DNAJC8: variants seen among roughly 807,000 people sequenced by gnomAD.
The protein encoded by DNAJC8 is DnaJ heat shock protein family (Hsp40) member C8.
DNAJC8 carries 24 observed loss-of-function variants against 43.2 expected under a neutral mutation model. The observed-to-expected ratio is 0.56, with a 90% CI of 0.40 to 0.78. DNAJC8 has a LOEUF of 0.78. Among genes scored for constraint, DNAJC8 ranks in the 30% least tolerant of loss-of-function variants. The probability of loss-of-function intolerance (pLI) is 0.00; values close to 1 mark genes in which losing one functional copy is unlikely to be tolerated. For synonymous variants in DNAJC8, 83 were observed against 98.0 expected, an observed-to-expected ratio of 0.85 and a Z score of 0.90; for missense variants, 207 against 299.4, an observed-to-expected ratio of 0.69 and a Z score of 2.28.
Position 28,228,590 on chromosome 1 carries a change from T to C in DNAJC8, c.180+332A>G, listed in dbSNP as rs67135856. Among the ~76,000 whole-genome samples, 1,191 of 152,200 alleles carry C rather than the reference T, an allele frequency of 7.8e-3. 9 individuals are homozygous for C. Among genetic ancestry groups the C allele is most frequent in the African/African-American group, 0.017 (710 of 41,538 alleles). ...ATGCAAAATCCAAAATGCTCCAAAA[T>C]CTGAAACTTTCTGAGAGTCAACTGA... On this transcript the variant is annotated intron_variant, in intron 2 of 8. Coordinates refer to ENST00000263697, the MANE Select transcript of DNAJC8 (RefSeq NM_014280.3).
intron 2 of DNAJC8, among the ~76,000 whole-genome samples, chr1:28,215,876 T>C (rs1646850097): frequency 6.6e-6 from 1 of 151,386 alleles, no homozygotes; most frequent in Admixed American, 6.6e-5. Flanking sequence ...TTTTTTTTTT[T>C]CGAGACAGTG....
chr1:28,205,917 T>C (rs1204357327), intron 6 of DNAJC8, among the ~76,000 whole-genome samples: 2 of 151,902 alleles, frequency 1.3e-5, no homozygotes, highest in African/African-American at 2.4e-5. Context: ...GGCATGGTGG[T>C]GCACACCTGT....
At position 28,208,381 on chromosome 1, in the gene DNAJC8, T is replaced by C. The variant is rs113158984; in HGVS notation, c.432A>G (p.Glu144=). ...VKERKKQLKK[E]GKPTIVEEDD... is the part of the protein sequence containing the mutation. ...CCTCCTCTACAATTGTAGGTTTTCC[T>C]TCCTTCTTTAATTGTTTTTTTCGCT... The change falls in exon 6 of 9, where the codon GAA becomes GAG. Residue 144 remains glutamate, a synonymous_variant. Transcript: ENST00000263697. The C allele has an allele frequency of 6.2e-7, 1 of 1,613,424 alleles. No homozygotes were observed.
intron 6 of DNAJC8, among the ~76,000 whole-genome samples, chr1:28,206,109 T>TTG (rs1646766450): frequency 6.6e-6 from 1 of 152,098 alleles, no homozygotes; most frequent in South Asian, 2.1e-4. Context: ...GGAGGATCGC[T>TTG]TGAGCTCAGG....
chr1:28,217,811 CTGAT>C (rs964079389), intron 2 of DNAJC8, among the ~76,000 whole-genome samples: 6 of 151,858 alleles, frequency 4.0e-5, no homozygotes, highest in Admixed American at 6.6e-5. Flanking sequence ...TTCATAAACC[CTGAT>C]TGATTTCTTT....
At chr1:28,208,470 T>G in intron 5 of DNAJC8, 57 bp from the exon 6 acceptor site, 1 of 1,286,840 alleles carries the variant, frequency 7.8e-7, no homozygotes, top group Non-Finnish European at 1.1e-6. Flanking sequence ...GAATATCCAC[T>G]GGGCTGTACA....
At chr1:28,215,497 A>G (rs1480059995) in intron 2 of DNAJC8, among the ~76,000 whole-genome samples, 5 of 152,104 alleles carry the variant, frequency 3.3e-5, no homozygotes, top group Non-Finnish European at 7.4e-5. Context: ...GTCTGATTCC[A>G]ACCCCATAGA....
At chr1:28,206,198 A>T (rs113015904) in intron 6 of DNAJC8, among the ~76,000 whole-genome samples, 12 of 134,066 alleles carry the variant, frequency 9.0e-5, no homozygotes, top group Admixed American at 1.5e-4. Flanking sequence ...TCTCTTTTTT[A>T]AAAAAGTATA....
chr1:28,210,048 T>C lies in DNAJC8; in HGVS notation c.323A>G (p.Lys108Arg). Residue 108 changes from lysine to arginine, a missense_variant, in exon 5 of 9, where the codon AAG becomes AGG. By Grantham distance (26) the Lys-to-Arg change is conservative. Coordinates refer to ENST00000263697, the MANE Select transcript of DNAJC8 (RefSeq NM_014280.3). ...CTTTTGCTCCTGATCCAGTAGCAAC[T>C]TGTAAGCTTTGTCCACAGCTAATGC... ...KAFEAVDKAY[K>R]LLLDQEQKKR... 2 of 1,614,124 alleles carry C rather than the reference T, an allele frequency of 1.2e-6. No individual in the cohort carries two copies. The highest frequency in any genetic ancestry group is 1.7e-6 in the Non-Finnish European group (2 of 1,179,970).
intron 2 of DNAJC8, among the ~76,000 whole-genome samples, chr1:28,228,348 CA>C (rs78440134): frequency 0.029 from 2,190 of 74,734 alleles, 29 homozygotes; most frequent in African/African-American, 0.095. Context: ...GACTCCGTCT[CA>C]AAAAAAAAAA....
intron 3 of DNAJC8, 83 bp from the exon 4 acceptor site, chr1:28,210,720 G>T: frequency 9.4e-7 from 1 of 1,069,182 alleles, no homozygotes; most frequent in Non-Finnish European, 1.4e-6. Flanking sequence ...ACAACCAAAA[G>T]CTCTAAGGTC....
At chr1:28,205,117 G>C in intron 7 of DNAJC8, 141 bp downstream of exon 7, 1 of 623,470 alleles carries the variant, frequency 1.6e-6, no homozygotes, top group Non-Finnish European at 2.7e-6. Flanking sequence ...TGATTCAAAA[G>C]CTTGACTGTT....
At chr1:28,228,867 G>A in intron 2 of DNAJC8, 55 bp downstream of exon 2, 3 of 1,417,234 alleles carry the variant, frequency 2.1e-6, no homozygotes, top group Non-Finnish European at 2.0e-6. Context: ...AGGTATGCCT[G>A]CAGCTATGCA....
chr1:28,222,687 A>G (rs1369409342), intron 2 of DNAJC8, among the ~76,000 whole-genome samples: 1 of 152,072 alleles, frequency 6.6e-6, no homozygotes, highest in Non-Finnish European at 1.5e-5. Context: ...CATGGCCCAG[A>G]GCACAGTGTC....
chr1:28,217,991 G>A (rs1377200533), intron 2 of DNAJC8, among the ~76,000 whole-genome samples: 1 of 151,748 alleles, frequency 6.6e-6, no homozygotes, highest in East Asian at 1.9e-4. Flanking sequence ...CATGTGGACT[G>A]TATGCTGGAT....
At chr1:28,204,257 C>T (rs756841385) in intron 7 of DNAJC8, among the ~76,000 whole-genome samples, 1 of 152,188 alleles carries the variant, frequency 6.6e-6, no homozygotes, top group Non-Finnish European at 1.5e-5. Context: ...GTTACTGGTA[C>T]CTACCAAGCA....
At chr1:28,231,141 C>T (rs1487436289) in intron 1 of DNAJC8, among the ~76,000 whole-genome samples, 2 of 152,058 alleles carry the variant, frequency 1.3e-5, no homozygotes, top group South Asian at 2.1e-4. Flanking sequence ...GAGGCCAAGA[C>T]GGGAGGATTG....
rs957918447 is a variant in DNAJC8 at position 28,209,871 on chromosome 1, G to A, written c.399+101C>T. ...GTAGAGAGCACAGAAGTAGCCACAGGTTGTGCCAGTAGGCATTACTATGTT... is the reference window on the plus strand; with the variant it reads ...GTAGAGAGCACAGAAGTAGCCACAGATTGTGCCAGTAGGCATTACTATGTT... On this transcript the variant is annotated intron_variant, in intron 5 of 8. Coordinates refer to ENST00000263697, the MANE Select transcript of DNAJC8 (RefSeq NM_014280.3). The A allele has an allele frequency of 6.1e-6, 6 of 984,572 alleles. No homozygotes were observed. The African/African-American group carries it at 8.0e-5, about 13-fold the overall frequency. 61.0% of individuals were successfully genotyped at this position (984,572 alleles called of 1,614,324 possible).
chr1:28,205,423 C>T, intron 6 of DNAJC8, 74 bp from the exon 7 acceptor site: 1 of 1,141,656 alleles, frequency 8.8e-7, no homozygotes, highest in East Asian at 2.4e-5. Flanking sequence ...GTACTTTCAC[C>T]TGGAGTCCAA....
Sources: gnomAD v4.1 joint callset for allele counts (sites outside exome capture counted in the v4.1 genomes callset) on GRCh38, gnomAD v4.1.1 for gene constraint, MANE v1.5 for transcripts, NCBI Gene and HGNC (gene_info 2026-07-23, HGNC 2026-07-21) for gene names.